Variants in OR1B1 observed in about 807,000 individuals in gnomAD.
OR1B1 encodes the protein olfactory receptor 1B1.
For synonymous variants in OR1B1, 168 were observed against 156.2 expected, an observed-to-expected ratio of 1.08 and a Z score of -0.57; for missense variants, 414 against 402.1, an observed-to-expected ratio of 1.03 and a Z score of -0.25.
chr9:122,635,543 A>C, the OR1B1 span, among the ~76,000 whole-genome samples: 1 of 152,238 alleles, frequency 6.6e-6, no homozygotes, highest in Non-Finnish European at 1.5e-5. Flanking sequence ...ACAAAAAAAT[A>C]GGTAACTATG....
upstream of OR1B1, among the ~76,000 whole-genome samples, chr9:122,633,608 A>G (rs551307661): frequency 1.3e-5 from 2 of 152,050 alleles, no homozygotes; most frequent in East Asian, 3.9e-4. Flanking sequence ...ATAGCAAAAT[A>G]ATAATAATAA....
At chr9:122,642,013 G>T in the OR1B1 span, among the ~76,000 whole-genome samples, 1 of 152,026 alleles carries the variant, frequency 6.6e-6, no homozygotes, top group Admixed American at 6.6e-5. Context: ...GAAGAAGGGC[G>T]TGCAGATGAT....
At chr9:122,647,942 T>C in the OR1B1 span, among the ~76,000 whole-genome samples, 4 of 152,156 alleles carry the variant, frequency 2.6e-5, no homozygotes, top group Non-Finnish European at 5.9e-5. Context: ...ATATCAAGAG[T>C]AAATATGTGT....
chr9:122,629,491 C>CAA lies in OR1B1; in HGVS notation c.43_44dup (p.Leu15PhefsTer25), dbSNP rs11421222. 1.6e-5 allele frequency: 25 copies of CAA among 1,608,854 alleles called. No homozygotes were observed. The highest frequency in any genetic ancestry group is 3.3e-5 in the South Asian group (3 of 90,288). ...TGTTAGCTCTCGAGAACCCAAGGAG[C>CAA]AAAAAAACCGGAGAGTGTGAAGCAT... On this transcript the variant is annotated frameshift_variant, in exon 1 of 1. Transcript: ENST00000623530. LOFTEE classifies it low-confidence loss of function (END_TRUNC).
upstream of OR1B1, among the ~76,000 whole-genome samples, chr9:122,630,626 GT>G (rs1235270700): frequency 6.6e-6 from 1 of 152,184 alleles, no homozygotes; most frequent in Non-Finnish European, 1.5e-5. Flanking sequence ...TGCTTAATCT[GT>G]CTTGTATGGA....
At chr9:122,643,610 C>T in the OR1B1 span, among the ~76,000 whole-genome samples, 4 of 152,322 alleles carry the variant, frequency 2.6e-5, no homozygotes, top group East Asian at 1.9e-4. Flanking sequence ...TAGGGTGGCA[C>T]GTGACCCAGG....
exon 1 of OR1B1, chr9:122,629,055 G>A (rs370410299): frequency 1.4e-5 from 23 of 1,613,784 alleles, no homozygotes; most frequent in Admixed American, 1.0e-4. Context: ...AGTCCCACAC[G>A]CAACATGGTG....
chr9:122,636,467 T>C, the OR1B1 span, among the ~76,000 whole-genome samples: 1 of 152,052 alleles, frequency 6.6e-6, no homozygotes, highest in South Asian at 2.1e-4. Flanking sequence ...ATACAAAAAA[T>C]TAGCCGAGCC....
At chr9:122,644,057 A>G in the OR1B1 span, among the ~76,000 whole-genome samples, 2 of 152,078 alleles carry the variant, frequency 1.3e-5, no homozygotes, top group African/African-American at 4.8e-5. Flanking sequence ...AAAAGGCTCC[A>G]CCTGTTTGAG....
chr9:122,628,482 C>G, downstream of OR1B1: 1 of 755,578 alleles, frequency 1.3e-6, no homozygotes, highest in Non-Finnish European at 2.3e-6. Context: ...CTTAAGTTAT[C>G]TAGGCCCTCC....
chr9:122,649,388 C>T, the OR1B1 span, among the ~76,000 whole-genome samples: 55 of 152,074 alleles, frequency 3.6e-4, no homozygotes, highest in Non-Finnish European at 7.4e-4. Context: ...CAACAAAAGC[C>T]AAAATTGACA....
At chr9:122,651,381 A>G in the OR1B1 span, among the ~76,000 whole-genome samples, 2 of 152,172 alleles carry the variant, frequency 1.3e-5, no homozygotes, top group African/African-American at 2.4e-5. Flanking sequence ...GTTAACTACA[A>G]TCATCCTGCA....
chr9:122,642,840 T>A, the OR1B1 span, among the ~76,000 whole-genome samples: 835 of 152,332 alleles, frequency 5.5e-3, 10 homozygotes, highest in African/African-American at 0.019. Context: ...ATAACACTTA[T>A]ACATTCTGTG....
At chr9:122,640,517 G>T in the OR1B1 span, among the ~76,000 whole-genome samples, 1 of 152,208 alleles carries the variant, frequency 6.6e-6, no homozygotes, top group East Asian at 1.9e-4. Flanking sequence ...CAGAAGAAAA[G>T]TCAGAGGAAA....
At chr9:122,655,430 C>A in the OR1B1 span, among the ~76,000 whole-genome samples, 1 of 152,210 alleles carries the variant, frequency 6.6e-6, no homozygotes, top group Middle Eastern at 3.4e-3. Context: ...CTAAATCAAC[C>A]CAGACGCCCA....
chr9:122,636,099 A>T, the OR1B1 span, among the ~76,000 whole-genome samples: 2 of 152,220 alleles, frequency 1.3e-5, no homozygotes, highest in East Asian at 3.8e-4. Context: ...GCTAACAAGT[A>T]AAAAGCTGCT....
At chr9:122,634,345 A>G (rs1250848471), upstream of OR1B1, among the ~76,000 whole-genome samples, 8 of 151,946 alleles carry the variant, frequency 5.3e-5, no homozygotes, top group Admixed American at 1.3e-4. Context: ...CAAAAAAAAA[A>G]AAAAGAAAAG....
chr9:122,650,460 T>C, the OR1B1 span, among the ~76,000 whole-genome samples: 6 of 151,574 alleles, frequency 4.0e-5, no homozygotes, highest in Non-Finnish European at 5.9e-5. Flanking sequence ...CACACACTTA[T>C]AAGGTATTTT....
At chr9:122,630,323 A>G (rs539836631), upstream of OR1B1, among the ~76,000 whole-genome samples, 1 of 152,228 alleles carries the variant, frequency 6.6e-6, no homozygotes, top group Non-Finnish European at 1.5e-5. Context: ...AGTTAATAGC[A>G]TTATCATTAT....
Sources: allele counts gnomAD v4.1 joint callset (sites outside exome capture counted in the v4.1 genomes callset), GRCh38; gene constraint gnomAD v4.1.1; transcripts MANE v1.5; gene names NCBI Gene and HGNC (gene_info 2026-07-23, HGNC 2026-07-21).